The following FBXW5 variants were observed in gnomAD, a reference collection of about 807,000 sequenced individuals.
The protein encoded by FBXW5 is F-box and WD repeat domain containing 5.
Under a neutral mutation model 50.9 loss-of-function variants are expected in FBXW5, and 74 were observed. The observed-to-expected ratio is 1.45, with a 90% confidence interval of 1.20 to 1.76. FBXW5 has a LOEUF of 1.76. FBXW5 is among the 40% of genes most tolerant of loss of function. The pLI, the probability that FBXW5 is intolerant of heterozygous loss-of-function variation, is 0.00. For missense variants in FBXW5, 1,073 were observed against 818.8 expected (o/e 1.31, Z -3.79); for synonymous variants, 523 against 362.2 (o/e 1.44, Z -5.04).
In FBXW5 at chr9:136,942,159, G is replaced by T; in HGVS notation, c.983C>A (p.Ala328Asp). 1 of 1,604,742 alleles carries T rather than the reference G, an allele frequency of 6.2e-7. No individual in the cohort carries two copies. The part of the protein sequence containing the change: ...LSERMLETKV[A>D]ELLAQGHTKP... ...GGTGTGGCCCTGGGCCAGCAGCTCG[G>T]CCACCTTGGTCTCTAGCATGCGCTC... The change falls in exon 6 of 9, where the codon GCC (alanine) becomes GAC (aspartate). Residue 328 changes from alanine to aspartate, a missense_variant. Coordinates refer to ENST00000325285, the MANE Select transcript of FBXW5 (RefSeq NM_018998.4).
rs200351489 is a variant in FBXW5 at position 136,942,596 on chromosome 9, A to T, written c.626T>A (p.Ile209Asn). 3.6e-5 allele frequency: 58 copies of T among 1,611,402 alleles called. No individual in the cohort carries two copies. Among genetic ancestry groups the T allele is most frequent in the Middle Eastern group, 1.7e-4 (1 of 6,060 alleles). Residue 209 changes from isoleucine (I) to asparagine (N), a missense_variant, in exon 5 of 9, where the codon ATC becomes AAC. Coordinates refer to ENST00000325285, the MANE Select transcript of FBXW5 (RefSeq NM_018998.4). Reference sequence around the variant, plus strand: ...CACCGAGCAGGAGGTGATATCTCCGATGCGGTGCAGGTTCCCCGAGATGAG... The same window carrying T: ...CACCGAGCAGGAGGTGATATCTCCGTTGCGGTGCAGGTTCCCCGAGATGAG... Reference protein sequence around the residue: ...TSLISGNLHRIGDITSCSVLW... With the variant: ...TSLISGNLHRNGDITSCSVLW...
chr9:136,944,143 G>C, intron 1 of FBXW5, 37 bp from the exon 2 acceptor site: 1 of 1,496,260 alleles, frequency 6.7e-7, no homozygotes. Flanking sequence ...GCCCAGGCCC[G>C]GGAAGGGAGG....
chr9:136,944,543 G>A (rs1040112253), intron 1 of FBXW5, 51 bp downstream of exon 1: 3 of 983,734 alleles, frequency 3.0e-6, no homozygotes, highest in Non-Finnish European at 2.4e-6. Context: ...ACTCGCCCAA[G>A]GCGGGCGGGG....
In FBXW5 at chr9:136,942,911, C is replaced by T. The variant is rs1467991748; in HGVS notation, c.384G>A (p.Leu128=). The change falls in exon 4 of 9, where the codon CTG becomes CTA. Residue 128 remains leucine (L), a synonymous_variant. Coordinates refer to ENST00000325285, the MANE Select transcript of FBXW5 (RefSeq NM_018998.4). The part of the protein sequence containing the change: ...IWSNDLTISL[L]HSADMRPYNW... ...TGTAGGGCCGCATGTCCGCGCTGTG[C>T]AGCAGCGAGATGGTCAGGTCGTTGC... 1.9e-6 allele frequency: 3 copies of T among 1,613,328 alleles called. No individual in the cohort carries two copies. Among genetic ancestry groups the T allele is most frequent in the African/African-American group, 1.3e-5 (1 of 74,882 alleles).
intron 1 of FBXW5, 120 bp downstream of exon 1, chr9:136,944,474 C>G (rs959431634): frequency 2.1e-5 from 21 of 981,674 alleles, no homozygotes; most frequent in Non-Finnish European, 2.3e-5. Flanking sequence ...AGCAGCTCTG[C>G]CCGGCGGGCT....
At chr9:136,941,750 C>CA (rs1047513295) in intron 6 of FBXW5, 66 bp from the exon 7 acceptor site, 174 of 1,446,898 alleles carry the variant, frequency 1.2e-4, no homozygotes, top group Admixed American at 1.9e-4. Context: ...AGGGCAGCTT[C>CA]CTACCTCAGT....
At position 136,942,120 on chromosome 9, in the gene FBXW5, C is replaced by T. The variant is rs142198682; in HGVS notation, c.1022G>A (p.Arg341His). ...CTTGCTCTTGGCGCCTGTGGCACTG[C>T]GCTCGGGTGGCTTGGTGTGGCCCTG... ...LAQGHTKPPE[R>H]SATGAKSKYL... Residue 341 changes from arginine (R) to histidine (H), a missense_variant, in exon 6 of 9, where the codon CGC (arginine) becomes CAC (histidine). Coordinates refer to ENST00000325285, the MANE Select transcript of FBXW5 (RefSeq NM_018998.4). 1.6e-4 allele frequency: 250 copies of T among 1,612,198 alleles called. No individual in the cohort carries two copies. The Admixed American group carries it at 2.8e-3, about 18-fold the overall frequency.
Position 136,944,603 on chromosome 9 carries a change from C to CT in FBXW5, c.-34dup. 1.0e-6 allele frequency: 1 copy of CT among 984,186 alleles called. No individual in the cohort carries two copies. The highest frequency in any genetic ancestry group is 1.2e-6 in the Non-Finnish European group (1 of 829,106). 61.0% of individuals were successfully genotyped at this position (984,186 alleles called of 1,614,324 possible). A position where few individuals can be genotyped will look rare whatever the true frequency, so the allele number is the denominator to read the frequency against. ...CCGCAGGCGCACTCACCACGGCCGC[C>CT]TCCGCCCGCTGCGCCGCCCCCGCCC... On this transcript the variant is annotated 5_prime_UTR_variant, in exon 1 of 9. Transcript: ENST00000325285.
rs111761422 is a variant in FBXW5, at chr9:136,941,336, G to A, written c.1372C>T (p.Arg458Trp). 2.8e-3 allele frequency: 4,461 copies of A among 1,610,584 alleles called. 49 individuals carry two copies. Among genetic ancestry groups the A allele is most frequent in the Non-Finnish European group, 1.9e-3 (2,265 of 1,179,698 alleles). ...TAGGCGCGGTGCGCACGCAGAGCCC[G>A]CCTCACCTCCCGCATGGTCTTGAGG... The part of the protein sequence containing the change: ...FDLKTMREVR[R>W]ALRAHRAYTP... The change falls in exon 8 of 9, where the codon CGG becomes TGG. Residue 458 changes from arginine (R) to tryptophan (W), a missense_variant. Physicochemically the swap from Arg to Trp is moderately radical, Grantham distance 101 (BLOSUM62 -3). Transcript: ENST00000325285.
At chr9:136,944,215 C>T (rs1412389745) in intron 1 of FBXW5, 109 bp from the exon 2 acceptor site, 5 of 1,256,660 alleles carry the variant, frequency 4.0e-6, no homozygotes, top group African/African-American at 1.5e-5. Flanking sequence ...CACGGGGCTG[C>T]GTGTCTGCAG....
Position 136,942,753 on chromosome 9 carries a change from C to T in FBXW5, c.526+16G>A, listed in dbSNP as rs373825023. On this transcript the variant is annotated intron_variant, in intron 4 of 8. Transcript: ENST00000325285. Reference sequence around the variant, plus strand: ...GCGTGGGGCGGGGGCAGGGTCAACCCGCCGCCCGTGCTCACCTAGGCTGAT... The same window carrying T: ...GCGTGGGGCGGGGGCAGGGTCAACCTGCCGCCCGTGCTCACCTAGGCTGAT... The T allele has an allele frequency of 1.0e-4, 163 of 1,611,650 alleles. No individual in the cohort carries two copies. The highest frequency in any genetic ancestry group is 1.8e-4 in the Admixed American group (11 of 59,914).
intron 2 of FBXW5, 29 bp downstream of exon 2, chr9:136,943,862 C>CGTG: frequency 1.3e-6 from 2 of 1,546,850 alleles, no homozygotes. Context: ...GGCTGCAGAA[C>CGTG]GTGGGTAGGG....
chr9:136,942,080 G>A lies in FBXW5; in HGVS notation c.1062C>T (p.Thr354=), dbSNP rs771740743. Residue 354 remains threonine, a synonymous_variant, in exon 6 of 9, where the codon ACC becomes ACT. Coordinates refer to ENST00000325285, the MANE Select transcript of FBXW5 (RefSeq NM_018998.4). ...TGAKSKYLIF[T]TGCLTYSPHQ... The stretch of plus-strand genomic sequence containing the variant: ...GTGGGGAGTAGGTGAGGCAGCCAGT[G>A]GTGAAGATGAGGTACTTGCTCTTGG... The A allele has an allele frequency of 5.5e-5, 88 of 1,611,814 alleles. No homozygotes were observed. Among genetic ancestry groups the A allele is most frequent in the African/African-American group, 8.0e-5 (6 of 74,898 alleles).
At position 136,942,661 on chromosome 9, in the gene FBXW5, C is replaced by T. The variant is rs1479343778; in HGVS notation, c.561G>A (p.Lys187=). ...SFALLSRVRN[K]PYDVFGCWLT... is the part of the protein sequence containing the mutation. ...GCCAACAGCCAAACACGTCATAGGG[C>T]TTGTTCCGCACGCGGGACAGCAGCG... The change falls in exon 5 of 9, where the codon AAG becomes AAA. Residue 187 remains lysine (K), a synonymous_variant. Coordinates refer to ENST00000325285, the MANE Select transcript of FBXW5 (RefSeq NM_018998.4). The T allele has an allele frequency of 2.5e-6, 4 of 1,610,180 alleles. No individual in the cohort carries two copies. Among genetic ancestry groups the T allele is most frequent in the African/African-American group, 1.3e-5 (1 of 74,814 alleles).
Position 136,943,333 on chromosome 9 carries a change from A to T in FBXW5, c.351+16T>A, listed in dbSNP as rs1418036023. 6.6e-7 allele frequency: 1 copy of T among 1,521,294 alleles called. No individual in the cohort carries two copies. 94.2% of individuals were successfully genotyped at this position (1,521,294 alleles called of 1,614,324 possible). On this transcript the variant is annotated intron_variant, in intron 3 of 8. Transcript: ENST00000325285. ...CAGAGCTGGGTGGGGTGTGCAGGAC[A>T]CCTGGCCGTCCTCACCTTCACAGTG...
Position 136,943,945 on chromosome 9 carries a change from T to G in FBXW5, c.139A>C (p.Arg47=), listed in dbSNP as rs1440995685. ...TGGTAGTAGCGGTAGAACTGCTCCC[T>G]CCACAGGAACTCGTCCCGCGACACG... ...QAVSRDEFLW[R]EQFYRYYQVA... Residue 47 remains arginine, a synonymous_variant, in exon 2 of 9, where the codon AGG becomes CGG. Transcript: ENST00000325285. 2 of 1,555,916 alleles carry G rather than the reference T, an allele frequency of 1.3e-6. No individual in the cohort carries two copies. Among genetic ancestry groups the G allele is most frequent in the Admixed American group, 3.9e-5 (2 of 51,652 alleles).
Position 136,941,577 on chromosome 9 carries a change from G to C in FBXW5, c.1204C>G (p.His402Asp). ...FDALDHVIDI[H>D]GHIIGMGLSP... ...AGGCCCATGCCGATGATGTGTCCGT[G>C]TATGTCTATGACGTGGTCCAGCGCG... is the stretch of plus-strand genomic sequence containing the variant. The change falls in exon 7 of 9, where the codon CAC (histidine) becomes GAC (aspartate). Residue 402 changes from histidine to aspartate, a missense_variant. Physicochemically the swap from His to Asp is moderately conservative, Grantham distance 81 (BLOSUM62 -1). Transcript: ENST00000325285. The C allele has an allele frequency of 1.2e-6, 2 of 1,611,088 alleles. No individual in the cohort carries two copies. The highest frequency in any genetic ancestry group is 3.3e-5 in the Admixed American group (2 of 59,806).
At position 136,942,556 on chromosome 9, in the gene FBXW5, A is replaced by G. The variant is rs1850825129; in HGVS notation, c.666T>C (p.Asn222=). The G allele has an allele frequency of 6.2e-7, 1 of 1,611,182 alleles. No individual in the cohort carries two copies. Among genetic ancestry groups the G allele is most frequent in the Non-Finnish European group, 8.5e-7 (1 of 1,178,990 alleles). ...CTAGCCCCGCACGCACCTGGAAGGC[A>G]TTGTTGAGCCACAGCACCGAGCAGG... ...ITSCSVLWLN[N]AFQDVESENV... Residue 222 remains asparagine (N), a synonymous_variant, in exon 5 of 9, where the codon AAT becomes AAC. Coordinates refer to ENST00000325285, the MANE Select transcript of FBXW5 (RefSeq NM_018998.4).
Position 136,942,829 on chromosome 9 carries a change from A to C in FBXW5, c.466T>G (p.Ser156Ala), listed in dbSNP as rs1308586775. 1 of 1,613,308 alleles carries C rather than the reference A, an allele frequency of 6.2e-7. No homozygotes were observed. The highest frequency in any genetic ancestry group is 1.7e-5 in the Admixed American group (1 of 60,020). The change falls in exon 4 of 9, where the codon TCG (serine) becomes GCG (alanine). Residue 156 changes from serine to alanine, a missense_variant. Transcript: ENST00000325285. ...TTGTGCGGCCCCAGGAACACCCCCG[A>C]GGCCAGCAGTAGCGAGTCGTCCTTG... ...FNKDDSLLLA[S>A]GVFLGPHNSS...
Sources: allele counts gnomAD v4.1 joint callset, GRCh38; gene constraint gnomAD v4.1.1; transcripts MANE v1.5; gene names NCBI Gene and HGNC (gene_info 2026-07-23, HGNC 2026-07-21).